IGF1R: variants seen among roughly 807,000 people sequenced by gnomAD.
The protein encoded by IGF1R is insulin-like growth factor 1 receptor.
A neutral mutation model predicts 144.6 loss-of-function variants in IGF1R; 44 were observed. The ratio of observed to expected loss-of-function variants is 0.30; its 90% CI spans 0.24 to 0.39. The LOEUF (loss-of-function observed/expected upper bound fraction) is 0.39. Among genes scored for constraint, IGF1R ranks in the 10% least tolerant of loss-of-function variants. The pLI is 1.00. For missense variants in IGF1R, 1,355 were observed against 1,833.7 expected, an observed-to-expected ratio of 0.74 and a Z score of 4.77; for synonymous variants, 795 against 722.8, an observed-to-expected ratio of 1.10 and a Z score of -1.60.
chr15:98,853,427 A>G (rs2011625539), intron 2 of IGF1R, among the ~76,000 whole-genome samples: 1 of 152,170 alleles, frequency 6.6e-6, no homozygotes, highest in Non-Finnish European at 1.5e-5. Context: ...TCTCTGTGTC[A>G]CAGGCTCCAA....
At chr15:98,682,232 T>C (rs1160845024) in intron 1 of IGF1R, among the ~76,000 whole-genome samples, 1 of 152,148 alleles carries the variant, frequency 6.6e-6, no homozygotes, top group Non-Finnish European at 1.5e-5. Flanking sequence ...TGGTCTCCTA[T>C]GGTTATCTGA....
At chr15:98,828,142 G>A (rs2056929850) in intron 2 of IGF1R, among the ~76,000 whole-genome samples, 1 of 152,172 alleles carries the variant, frequency 6.6e-6, no homozygotes, top group South Asian at 2.1e-4. Context: ...TAGTGGTTTT[G>A]CATGAACAAG....
chr15:98,750,886 C>A (rs896289368), intron 2 of IGF1R, among the ~76,000 whole-genome samples: 1 of 152,072 alleles, frequency 6.6e-6, no homozygotes, highest in Non-Finnish European at 1.5e-5. Flanking sequence ...TACTCAGGCT[C>A]AGGTGATCCT....
chr15:98,912,917 C>T (rs1420061687), intron 7 of IGF1R, 127 bp from the exon 8 acceptor site: 2 of 696,476 alleles, frequency 2.9e-6, no homozygotes, highest in Non-Finnish European at 2.6e-6. Flanking sequence ...CTATAAAAGT[C>T]TAATTGATTA....
intron 1 of IGF1R, among the ~76,000 whole-genome samples, chr15:98,700,740 C>T (rs2053710667): frequency 1.3e-5 from 2 of 151,994 alleles, no homozygotes; most frequent in Admixed American, 6.6e-5. Flanking sequence ...GCTCCAGCTG[C>T]CTCCCAGGGT....
chr15:98,850,499 TG>T (rs2141555935), intron 2 of IGF1R, among the ~76,000 whole-genome samples: 1 of 152,342 alleles, frequency 6.6e-6, no homozygotes, highest in Admixed American at 6.5e-5. Flanking sequence ...GCTGTGGCTC[TG>T]TAGCCATGTC....
At chr15:98,772,263 T>C (rs2055604557) in intron 2 of IGF1R, among the ~76,000 whole-genome samples, 1 of 152,102 alleles carries the variant, frequency 6.6e-6, no homozygotes, top group African/African-American at 2.4e-5. Flanking sequence ...AAACTACTAA[T>C]TCATAATTTT....
chr15:98,809,444 G>C (rs1049088159), intron 2 of IGF1R, among the ~76,000 whole-genome samples: 1 of 152,182 alleles, frequency 6.6e-6, no homozygotes, highest in Non-Finnish European at 1.5e-5. Flanking sequence ...TTCCGCTGGC[G>C]TGAGAGGCTT....
In IGF1R at chr15:98,923,929, T is replaced by A. The variant is rs758402638; in HGVS notation, c.2539T>A (p.Ser847Thr). Residue 847 changes from serine to threonine, a missense_variant, in exon 12 of 21, where the codon TCC becomes ACC. Physicochemically the swap from Ser to Thr is moderately conservative, Grantham distance 58. This residue lies in a region of IGF1R where 880 missense variants were observed against 1,202.7 expected (regional missense o/e 0.73). Coordinates refer to ENST00000650285, the MANE Select transcript of IGF1R (RefSeq NM_000875.5). ...PVTWEPRPEN[S>T]IFLKWPEPEN... ...GACCTGGGAGCCAAGGCCTGAAAAC[T>A]CCATCTTTTTAAAGTGGCCGGAACC... 3.7e-6 allele frequency: 6 copies of A among 1,612,976 alleles called. No individual in the cohort carries two copies. The South Asian group carries it at 4.4e-5, about 12-fold the overall frequency.
At chr15:98,744,638 G>A (rs2054821858) in intron 2 of IGF1R, among the ~76,000 whole-genome samples, 1 of 152,116 alleles carries the variant, frequency 6.6e-6, no homozygotes, top group African/African-American at 2.4e-5. Flanking sequence ...AGACAGAAGG[G>A]GAGAGCTCCA....
At chr15:98,686,837 A>G (rs939797771) in intron 1 of IGF1R, among the ~76,000 whole-genome samples, 7 of 152,012 alleles carry the variant, frequency 4.6e-5, no homozygotes, top group Middle Eastern at 3.2e-3. Flanking sequence ...CTCCTGGTGA[A>G]TTTTTAAATT....
intron 2 of IGF1R, among the ~76,000 whole-genome samples, chr15:98,741,148 A>G (rs2054730664): frequency 6.7e-6 from 1 of 148,790 alleles, no homozygotes; most frequent in Middle Eastern, 3.6e-3. Flanking sequence ...ATTAGCAGAC[A>G]CTCTCGTGTT....
chr15:98,665,771 G>A (rs899809805), intron 1 of IGF1R, among the ~76,000 whole-genome samples: 1 of 152,242 alleles, frequency 6.6e-6, no homozygotes, highest in Non-Finnish European at 1.5e-5. Context: ...GCTTCAGTCA[G>A]GTGGGAAGCC....
chr15:98,944,187 T>C (rs2016468368), intron 19 of IGF1R, among the ~76,000 whole-genome samples: 1 of 152,118 alleles, frequency 6.6e-6, no homozygotes, highest in South Asian at 2.1e-4. Context: ...GCTTGTAGTA[T>C]AATAAAATAG....
intron 4 of IGF1R, among the ~76,000 whole-genome samples, chr15:98,898,902 CA>C (rs1398154363): frequency 6.6e-6 from 1 of 152,100 alleles, no homozygotes; most frequent in East Asian, 1.9e-4. Context: ...GTTATAAAAG[CA>C]ATACATAAAT....
chr15:98,734,444 C>G (rs2054565877), intron 2 of IGF1R, among the ~76,000 whole-genome samples: 1 of 152,096 alleles, frequency 6.6e-6, no homozygotes, highest in African/African-American at 2.4e-5. Context: ...ATGTTTATGC[C>G]TTTTGGTTGT....
At chr15:98,928,157 G>A (rs1007469279) in intron 13 of IGF1R, among the ~76,000 whole-genome samples, 21 of 151,968 alleles carry the variant, frequency 1.4e-4, no homozygotes, top group Admixed American at 3.3e-4. Flanking sequence ...CACCAGCACC[G>A]CCACAGCTCA....
At chr15:98,699,263 A>G (rs940092882) in intron 1 of IGF1R, among the ~76,000 whole-genome samples, 12 of 152,198 alleles carry the variant, frequency 7.9e-5, no homozygotes, top group African/African-American at 2.9e-4. Context: ...TAGTGAGGAC[A>G]GGGTGTGGGA....
intron 2 of IGF1R, among the ~76,000 whole-genome samples, chr15:98,757,320 C>T (rs1378806722): frequency 1.3e-5 from 2 of 152,194 alleles, no homozygotes; most frequent in East Asian, 3.9e-4. Context: ...CATGCCACTG[C>T]ACCTGGCTAA....
Sources: gnomAD v4.1 joint callset for allele counts (sites outside exome capture counted in the v4.1 genomes callset) on GRCh38, gnomAD v4.1.1 for gene constraint, gnomAD v4.1.1 regional missense constraint, MANE v1.5 for transcripts, NCBI Gene and HGNC (gene_info 2026-07-23, HGNC 2026-07-21) for gene names.